The following PRKN variants were observed in gnomAD, a reference collection of about 807,000 sequenced individuals.
PRKN encodes the protein E3 ubiquitin-protein ligase parkin.
A neutral mutation model predicts 59.5 loss-of-function variants in PRKN; 56 were observed. The ratio of observed to expected loss-of-function variants is 0.94; its 90% CI spans 0.76 to 1.18. The LOEUF (loss-of-function observed/expected upper bound fraction) is 1.18, where lower values mean the gene tolerates loss of function less well. Among genes scored for constraint, PRKN ranks in the 50% most tolerant of loss-of-function variants. The pLI, the probability that PRKN is intolerant of heterozygous loss-of-function variation, is 0.00. For missense variants in PRKN, 657 were observed against 596.4 expected, an observed-to-expected ratio of 1.10 and a Z score of -1.06; for synonymous variants, 250 against 222.1, an observed-to-expected ratio of 1.13 and a Z score of -1.12.
chr6:162,173,474 T>C (rs543030343), intron 4 of PRKN, among the ~76,000 whole-genome samples: 37 of 152,140 alleles, frequency 2.4e-4, no homozygotes, highest in Non-Finnish European at 4.9e-4. Flanking sequence ...CCTTTGACAC[T>C]TGTGAGCAGC....
At chr6:161,816,502 A>G (rs1791788546) in intron 6 of PRKN, among the ~76,000 whole-genome samples, 2 of 152,312 alleles carry the variant, frequency 1.3e-5, no homozygotes, top group Middle Eastern at 3.4e-3. Context: ...TGTGTGTTTT[A>G]TCACACACCA....
Position 161,484,249 on chromosome 6 carries a change from G to A in PRKN, c.1083+64605C>T, listed in dbSNP as rs1562479971. Among the ~76,000 whole-genome samples the A allele has an allele frequency of 1.3e-5, 2 of 152,054 alleles. No homozygotes were observed. The highest frequency in any genetic ancestry group is 3.9e-4 in the East Asian group (2 of 5,188). On this transcript the variant is annotated intron_variant, in intron 9 of 11. Coordinates refer to ENST00000366898, the MANE Select transcript of PRKN (RefSeq NM_004562.3). This position sits in a 1 kb window ranked among gnomAD's most constrained non-coding sequence, Gnocchi z 4.9. ...GTTTCAGCTTAAAGAAAATTTCTGGGTTTTGCACATGGCCATTTTCTGAAC... is the reference window on the plus strand; with the variant it reads ...GTTTCAGCTTAAAGAAAATTTCTGGATTTTGCACATGGCCATTTTCTGAAC...
At chr6:161,846,455 C>T (rs1024255164) in intron 6 of PRKN, among the ~76,000 whole-genome samples, 9 of 152,140 alleles carry the variant, frequency 5.9e-5, no homozygotes, top group Admixed American at 1.3e-4. Flanking sequence ...ATTCATTCAA[C>T]GCATATTTAT....
intron 5 of PRKN, among the ~76,000 whole-genome samples, chr6:162,011,885 A>T (rs904921668): frequency 9.8e-6 from 1 of 102,332 alleles, no homozygotes; most frequent in African/African-American, 4.6e-5. Context: ...GGAAAATTGT[A>T]CTATAAATGC....
intron 4 of PRKN, among the ~76,000 whole-genome samples, chr6:162,098,880 T>G (rs1432402730): frequency 6.6e-6 from 1 of 151,960 alleles, no homozygotes; most frequent in African/African-American, 2.4e-5. Flanking sequence ...AAGCAGCAAG[T>G]GAAGAGGGGT....
At chr6:161,952,795 C>T (rs965846265) in intron 6 of PRKN, among the ~76,000 whole-genome samples, 1 of 152,008 alleles carries the variant, frequency 6.6e-6, no homozygotes, top group South Asian at 2.1e-4. Flanking sequence ...AGATGATTTG[C>T]TAAATGGTAT....
At chr6:162,019,895 T>C (rs984939652) in intron 5 of PRKN, among the ~76,000 whole-genome samples, 2 of 152,018 alleles carry the variant, frequency 1.3e-5, no homozygotes, top group African/African-American at 2.4e-5. Flanking sequence ...GGCGGGCGCC[T>C]GTAATCCCAG....
chr6:161,460,560 C>G lies in PRKN; in HGVS notation c.1084-73683G>C, dbSNP rs1790159453. Reference sequence around the variant, plus strand: ...ACATGCTGGTAGGTAAGGAGCAATGCTGGGGTAGAAGCCCCAGGTGCCACA... The same window carrying G: ...ACATGCTGGTAGGTAAGGAGCAATGGTGGGGTAGAAGCCCCAGGTGCCACA... On this transcript the variant is annotated intron_variant, in intron 9 of 11. Coordinates refer to ENST00000366898, the MANE Select transcript of PRKN (RefSeq NM_004562.3). The surrounding 1 kb of genome is among the most constrained non-coding windows in gnomAD (Gnocchi z 5.0). Among the ~76,000 whole-genome samples the G allele has an allele frequency of 1.3e-5, 2 of 152,064 alleles. No homozygotes were observed. Among genetic ancestry groups the G allele is most frequent in the Admixed American group, 6.6e-5 (1 of 15,266 alleles).
At chr6:162,221,754 CA>C (rs200554426) in intron 3 of PRKN, among the ~76,000 whole-genome samples, 3,876 of 152,168 alleles carry the variant, frequency 0.025, 88 homozygotes, top group Non-Finnish European at 0.041. Flanking sequence ...AGGTAAAACT[CA>C]ATAAGTTCAG....
chr6:161,732,580 G>A (rs1040811377), intron 7 of PRKN, among the ~76,000 whole-genome samples: 4 of 151,894 alleles, frequency 2.6e-5, no homozygotes, highest in African/African-American at 9.7e-5. Context: ...TGCATACAGT[G>A]TACACGATGC....
At chr6:161,713,457 G>A (rs1270052074) in intron 7 of PRKN, among the ~76,000 whole-genome samples, 1 of 152,224 alleles carries the variant, frequency 6.6e-6, no homozygotes, top group Non-Finnish European at 1.5e-5. Context: ...TGCACCCTGA[G>A]TAAATGCATT....
At chr6:162,546,970 T>C (rs1316961983) in intron 1 of PRKN, among the ~76,000 whole-genome samples, 1 of 152,192 alleles carries the variant, frequency 6.6e-6, no homozygotes, top group Non-Finnish European at 1.5e-5. Flanking sequence ...TTCCTTGGGT[T>C]AATAATGAAA....
Position 161,639,131 on chromosome 6 carries a change from G to C in PRKN, c.872-69715C>G, listed in dbSNP as rs183123648. Among the ~76,000 whole-genome samples the C allele has an allele frequency of 2.9e-3, 437 of 152,306 alleles. 4 individuals are homozygous for C. Among genetic ancestry groups the C allele is most frequent in the African/African-American group, 0.01 (416 of 41,566 alleles). On this transcript the variant is annotated intron_variant, in intron 7 of 11. Coordinates refer to ENST00000366898, the MANE Select transcript of PRKN (RefSeq NM_004562.3). ...ATGTTTGCTTTCCCTTCCGCCATAA[G>C]TGTAAGTTTCCTGAGGTCTCTCCAG...
intron 8 of PRKN, among the ~76,000 whole-genome samples, chr6:161,557,769 T>C (rs758179208): frequency 2.0e-5 from 3 of 152,036 alleles, no homozygotes; most frequent in East Asian, 3.9e-4. Flanking sequence ...TCAAAATGAG[T>C]CAATGCTTGC....
chr6:162,551,847 C>T (rs1237877414), intron 1 of PRKN, among the ~76,000 whole-genome samples: 1 of 152,156 alleles, frequency 6.6e-6, no homozygotes, highest in Non-Finnish European at 1.5e-5. Context: ...AATTATTAAT[C>T]CCTACTATGT....
intron 1 of PRKN, among the ~76,000 whole-genome samples, chr6:162,581,149 C>G (rs55866524): frequency 4.6e-5 from 7 of 152,052 alleles, no homozygotes; most frequent in African/African-American, 1.7e-4. Flanking sequence ...AGAACTGATA[C>G]TAAGACAAAT....
intron 3 of PRKN, among the ~76,000 whole-genome samples, chr6:162,258,034 TGCCTGGGGCTCACGA>T (rs1779723708): frequency 1.3e-5 from 2 of 152,162 alleles, no homozygotes; most frequent in African/African-American, 4.8e-5. Flanking sequence ...GGCGGGGGCC[TGCCTGGGGCTCACGA>T]GTTGCTGTCG....
At chr6:161,477,013 G>A (rs1175266222) in intron 9 of PRKN, among the ~76,000 whole-genome samples, 1 of 152,232 alleles carries the variant, frequency 6.6e-6, no homozygotes, top group Non-Finnish European at 1.5e-5. Context: ...CATGATGTCA[G>A]CTAATTAACT....
At chr6:162,529,662 T>C (rs1159229863) in intron 1 of PRKN, among the ~76,000 whole-genome samples, 1 of 152,138 alleles carries the variant, frequency 6.6e-6, no homozygotes, top group Non-Finnish European at 1.5e-5. Context: ...AGTGGATTCC[T>C]GTGCTGCTAC....
Sources: allele counts gnomAD v4.1 joint callset (sites outside exome capture counted in the v4.1 genomes callset), GRCh38; gene constraint gnomAD v4.1.1; non-coding constraint Gnocchi (gnomAD v3.1); transcripts MANE v1.5; gene names NCBI Gene and HGNC (gene_info 2026-07-23, HGNC 2026-07-21).